Variants in PLCL1 observed in about 807,000 individuals in gnomAD.
PLCL1 encodes the protein inactive phospholipase C-like protein 1.
Under a neutral mutation model 84.4 loss-of-function variants are expected in PLCL1, and 41 were observed. That is an observed-to-expected ratio of 0.49 (90% CI 0.38 to 0.63). The LOEUF (loss-of-function observed/expected upper bound fraction) is 0.63, where lower values mean the gene tolerates loss of function less well. Among genes scored for constraint, PLCL1 ranks in the 30% least tolerant of loss-of-function variants. The pLI is 0.00. For missense variants in PLCL1, 1,206 were observed against 1,367.8 expected (o/e 0.88, Z 1.87); for synonymous variants, 490 against 488.3 (o/e 1.00, Z -0.05).
chr2:197,824,631 T>C (rs1215841622), intron 1 of PLCL1, among the ~76,000 whole-genome samples: 2 of 151,294 alleles, frequency 1.3e-5, no homozygotes, highest in African/African-American at 2.4e-5. Context: ...GGAGGATTGC[T>C]TGAGCTCAGG....
intron 1 of PLCL1, among the ~76,000 whole-genome samples, chr2:198,073,259 A>G (rs1474575967): frequency 6.6e-6 from 1 of 152,112 alleles, no homozygotes; most frequent in Non-Finnish European, 1.5e-5. Flanking sequence ...ATTTGTTTCC[A>G]TTTTGACCAT....
At chr2:198,042,805 G>A (rs1444116376) in intron 1 of PLCL1, among the ~76,000 whole-genome samples, 3 of 152,168 alleles carry the variant, frequency 2.0e-5, no homozygotes, top group African/African-American at 7.2e-5. Flanking sequence ...AAACAGAAAA[G>A]CAATAAATGA....
intron 5 of PLCL1, among the ~76,000 whole-genome samples, chr2:198,144,499 C>A (rs1694468834): frequency 6.6e-6 from 1 of 152,098 alleles, no homozygotes; most frequent in Non-Finnish European, 1.5e-5. Context: ...TATATAGTAG[C>A]AGATAATGTT....
intron 1 of PLCL1, among the ~76,000 whole-genome samples, chr2:197,967,051 A>G (rs1026727809): frequency 4.6e-5 from 7 of 152,068 alleles, no homozygotes; most frequent in Non-Finnish European, 7.4e-5. Context: ...ACATGGAAGC[A>G]GAGTCTGCTG....
rs1694582588 is a variant in PLCL1 at position 198,148,686 on chromosome 2, G to A, written c.*1724G>A. The A allele has an allele frequency of 6.6e-6, 1 of 152,218 alleles. No homozygotes were observed. Among genetic ancestry groups the A allele is most frequent in the African/African-American group, 2.4e-5 (1 of 41,426 alleles). 9.4% of individuals were successfully genotyped at this position (152,218 alleles called of 1,614,324 possible). A position where few individuals can be genotyped will look rare whatever the true frequency, so the allele number is the denominator to read the frequency against. ...ATGCAGGTGTTAAGCCCTTTGTGGT[G>A]AAAAAGAGGTTCTATAGACAGAAAC... On this transcript the variant is annotated 3_prime_UTR_variant, in exon 6 of 6. Transcript: ENST00000428675.
intron 1 of PLCL1, among the ~76,000 whole-genome samples, chr2:198,072,376 G>C (rs983046981): frequency 6.6e-6 from 1 of 150,578 alleles, no homozygotes. Flanking sequence ...TTTTTCATTT[G>C]ATCTTTTGGG....
At chr2:197,931,798 A>G (rs1010646045) in intron 1 of PLCL1, among the ~76,000 whole-genome samples, 5 of 152,000 alleles carry the variant, frequency 3.3e-5, no homozygotes, top group African/African-American at 1.2e-4. Flanking sequence ...ATAAAGGACT[A>G]TGATAAAATT....
chr2:197,881,054 TA>T (rs1687819057), intron 1 of PLCL1, among the ~76,000 whole-genome samples: 2 of 152,168 alleles, frequency 1.3e-5, no homozygotes, highest in African/African-American at 4.8e-5. Flanking sequence ...TCAGAATTGT[TA>T]AAAAATTCTC....
At chr2:198,059,432 T>C (rs969134694) in intron 1 of PLCL1, among the ~76,000 whole-genome samples, 1 of 152,226 alleles carries the variant, frequency 6.6e-6, no homozygotes, top group Non-Finnish European at 1.5e-5. Flanking sequence ...TTATATTGTA[T>C]GTTTTACATA....
In PLCL1 at chr2:197,808,594, A is replaced by G. The variant is rs535081802; in HGVS notation, c.240+3255A>G. 3.3e-5 allele frequency among the ~76,000 whole-genome samples: 5 copies of G among 152,248 alleles called. No homozygotes were observed. In the South Asian group the frequency reaches 1.0e-3, roughly 32 times the overall value. On this transcript the variant is annotated intron_variant, in intron 1 of 5. Transcript: ENST00000428675. ...AAAATGCATTTTTCACAGTTTTGCC[A>G]AGAGTTTTTTTAAATTTGGCATTGA...
chr2:198,141,573 C>A (rs548956374), intron 5 of PLCL1, among the ~76,000 whole-genome samples: 19 of 151,868 alleles, frequency 1.3e-4, no homozygotes, highest in African/African-American at 4.6e-4. Flanking sequence ...GTTGTTTTAC[C>A]TCTTCAGAGC....
chr2:197,946,342 A>G (rs1385985987), intron 1 of PLCL1, among the ~76,000 whole-genome samples: 2 of 152,178 alleles, frequency 1.3e-5, no homozygotes, highest in Non-Finnish European at 2.9e-5. Context: ...AACTGGGAAA[A>G]ATAATGACAG....
rs190761618 is a variant in PLCL1 at position 197,978,971 on chromosome 2, A to C, written c.241-104787A>C. ...CGGTTTTTGTTCTCATCAACATAAT[A>C]ACAGAGTGACGCTATTCAAGGACCT... On this transcript the variant is annotated intron_variant, in intron 1 of 5. Transcript: ENST00000428675. 3.7e-3 allele frequency among the ~76,000 whole-genome samples: 565 copies of C among 152,344 alleles called. 5 individuals carry two copies. Among genetic ancestry groups the C allele is most frequent in the African/African-American group, 0.013 (540 of 41,578 alleles).
intron 1 of PLCL1, among the ~76,000 whole-genome samples, chr2:198,042,884 G>A (rs1469561443): frequency 2.0e-5 from 3 of 152,286 alleles, no homozygotes; most frequent in South Asian, 2.1e-4. Flanking sequence ...GAGATAATAC[G>A]GGGTTGGTAC....
At chr2:197,842,272 C>T (rs981470553) in intron 1 of PLCL1, among the ~76,000 whole-genome samples, 1 of 152,148 alleles carries the variant, frequency 6.6e-6, no homozygotes, top group African/African-American at 2.4e-5. Context: ...GCACACTTCT[C>T]CTTGATGCCT....
chr2:197,915,446 T>C (rs1688577177), intron 1 of PLCL1, among the ~76,000 whole-genome samples: 1 of 152,130 alleles, frequency 6.6e-6, no homozygotes, highest in African/African-American at 2.4e-5. Context: ...GAAGACACTC[T>C]TTCCAAGAAT....
At chr2:198,073,549 C>CA (rs1692510815) in intron 1 of PLCL1, among the ~76,000 whole-genome samples, 1 of 152,158 alleles carries the variant, frequency 6.6e-6, no homozygotes, top group Non-Finnish European at 1.5e-5. Flanking sequence ...TCTATGATAG[C>CA]TAGTCCCAAA....
At chr2:197,923,165 C>A (rs1355007729) in intron 1 of PLCL1, among the ~76,000 whole-genome samples, 2 of 144,146 alleles carry the variant, frequency 1.4e-5, no homozygotes, top group Non-Finnish European at 3.1e-5. Flanking sequence ...CGGGCAGAGG[C>A]GCCCCTCACC....
At chr2:197,826,638 A>G (rs1690934561) in intron 1 of PLCL1, among the ~76,000 whole-genome samples, 1 of 152,176 alleles carries the variant, frequency 6.6e-6, no homozygotes, top group Non-Finnish European at 1.5e-5. Flanking sequence ...TCATCTGTTC[A>G]TTGATGCTTC....
Sources: gnomAD v4.1 joint callset for allele counts (sites outside exome capture counted in the v4.1 genomes callset) on GRCh38, gnomAD v4.1.1 for gene constraint, MANE v1.5 for transcripts, NCBI Gene and HGNC (gene_info 2026-07-23, HGNC 2026-07-21) for gene names.